The following LRP1B variants were observed in gnomAD, a reference collection of about 807,000 sequenced individuals.
LRP1B encodes LDL receptor related protein 1B.
Under a neutral mutation model 556.6 loss-of-function variants are expected in LRP1B, and 217 were observed. The observed-to-expected ratio is 0.39, with a 90% confidence interval of 0.35 to 0.44. The LOEUF (loss-of-function observed/expected upper bound fraction) is 0.44. Among genes scored for constraint, LRP1B ranks in the 20% least tolerant of loss-of-function variants. The pLI is 1.00. For missense variants in LRP1B, 5,053 were observed against 5,620.8 expected (o/e 0.90, Z 3.23); for synonymous variants, 2,047 against 1,865.8 (o/e 1.10, Z -2.50).
At chr2:140,485,176 C>A (rs1012141463) in intron 59 of LRP1B, among the ~76,000 whole-genome samples, 167 bp downstream of exon 59, 1 of 151,890 alleles carries the variant, frequency 6.6e-6, no homozygotes, top group South Asian at 2.1e-4. Flanking sequence ...AATTTTATTC[C>A]TTTCATTGTG....
chr2:141,617,201 C>A (rs1454587271), intron 2 of LRP1B, among the ~76,000 whole-genome samples: 2 of 152,114 alleles, frequency 1.3e-5, no homozygotes, highest in Non-Finnish European at 2.9e-5. Flanking sequence ...TTTTTACACA[C>A]CTATCTCCAG....
intron 77 of LRP1B, among the ~76,000 whole-genome samples, chr2:140,340,041 G>C (rs558310250): frequency 3.3e-5 from 5 of 151,052 alleles, no homozygotes; most frequent in Non-Finnish European, 5.9e-5. Context: ...ATTTGTCTTT[G>C]AATTAAAGAC....
intron 7 of LRP1B, among the ~76,000 whole-genome samples, chr2:141,070,246 G>C (rs191827814): frequency 0.033 from 4,924 of 151,384 alleles, 91 homozygotes; most frequent in South Asian, 0.073. Context: ...ACCTGCTCCT[G>C]AATGACTACT....
intron 27 of LRP1B, among the ~76,000 whole-genome samples, chr2:140,853,210 C>G (rs190001134): frequency 6.6e-6 from 1 of 152,030 alleles, no homozygotes; most frequent in Non-Finnish European, 1.5e-5. Flanking sequence ...TAGAGGTGCC[C>G]TTCCTAAGCC....
intron 1 of LRP1B, among the ~76,000 whole-genome samples, chr2:141,956,587 A>T (rs1701260443): frequency 6.8e-6 from 1 of 146,870 alleles, no homozygotes; most frequent in African/African-American, 2.5e-5. Flanking sequence ...TAAAATATTA[A>T]CGCCGTGAAA....
In LRP1B at chr2:141,095,817, C is replaced by T. The variant is rs369299020; in HGVS notation, c.1014-33544G>A. The stretch of plus-strand genomic sequence containing the variant: ...GTGTTGCTGGCTAGGCAGGTGTCTG[C>T]GTATTGGTTCCCTCCTCCATCTGAT... On this transcript the variant is annotated intron_variant, in intron 7 of 90. Transcript: ENST00000389484. Among the ~76,000 whole-genome samples, 39 of 152,100 alleles carry T rather than the reference C, an allele frequency of 2.6e-4. 1 individual carries two copies. The South Asian group carries it at 7.9e-3, about 31-fold the overall frequency.
At chr2:140,507,041 C>A in intron 52 of LRP1B, 123 bp from the exon 53 acceptor site, 1 of 963,506 alleles carries the variant, frequency 1.0e-6, no homozygotes, top group Non-Finnish European at 1.5e-6. Flanking sequence ...AAAAAGAAAA[C>A]TTTGCATAAT....
At chr2:141,203,602 C>T (rs1233054363) in intron 6 of LRP1B, among the ~76,000 whole-genome samples, 1 of 152,102 alleles carries the variant, frequency 6.6e-6, no homozygotes, top group Non-Finnish European at 1.5e-5. Context: ...GACTTTAACA[C>T]CCCACTGTCA....
At chr2:140,375,173 ATGTGTGTG>A (rs34597866) in intron 68 of LRP1B, among the ~76,000 whole-genome samples, 16,150 of 144,154 alleles carry the variant, frequency 0.11, 897 homozygotes, top group African/African-American at 0.15. Flanking sequence ...TACTGTGTGT[ATGTGTGTG>A]TGTGTGTGTG....
At chr2:140,491,522 A>C (rs1688700270) in intron 57 of LRP1B, among the ~76,000 whole-genome samples, 1 of 152,112 alleles carries the variant, frequency 6.6e-6, no homozygotes, top group African/African-American at 2.4e-5. Context: ...AAGAAAGATA[A>C]TTTTTAATAT....
chr2:141,024,732 GATTTTATTAC>G (rs1698169677), intron 11 of LRP1B, among the ~76,000 whole-genome samples: 1 of 151,950 alleles, frequency 6.6e-6, no homozygotes, highest in South Asian at 2.1e-4. Context: ...AGATATAAAA[GATTTTATTAC>G]TCATGGCACA....
chr2:141,615,880 T>G (rs973595554), intron 2 of LRP1B, among the ~76,000 whole-genome samples: 2 of 152,082 alleles, frequency 1.3e-5, no homozygotes, highest in African/African-American at 4.8e-5. Context: ...CTATAAACAG[T>G]AATAGCAAAT....
At chr2:141,908,751 T>C (rs1001496279) in intron 1 of LRP1B, among the ~76,000 whole-genome samples, 1 of 152,090 alleles carries the variant, frequency 6.6e-6, no homozygotes, top group African/African-American at 2.4e-5. Flanking sequence ...CAATAGATGT[T>C]ATCAAATATC....
At chr2:140,471,792 A>C (rs927899040) in intron 60 of LRP1B, among the ~76,000 whole-genome samples, 2 of 152,184 alleles carry the variant, frequency 1.3e-5, no homozygotes. Context: ...ATTACTTAGC[A>C]TACAAGGCTT....
At chr2:141,863,002 T>C (rs1348263022) in intron 1 of LRP1B, among the ~76,000 whole-genome samples, 1 of 152,192 alleles carries the variant, frequency 6.6e-6, no homozygotes, top group Non-Finnish European at 1.5e-5. Flanking sequence ...AGCTCTCTCT[T>C]ATGCATTAAG....
At chr2:141,977,161 T>C (rs181376690) in intron 1 of LRP1B, among the ~76,000 whole-genome samples, 5 of 152,278 alleles carry the variant, frequency 3.3e-5, no homozygotes, top group Non-Finnish European at 7.4e-5. Flanking sequence ...TTTTGATCTT[T>C]TGGAGAGGAA....
chr2:140,714,864 A>G (rs1687154902), intron 37 of LRP1B, among the ~76,000 whole-genome samples: 1 of 152,110 alleles, frequency 6.6e-6, no homozygotes, highest in Admixed American at 6.6e-5. Flanking sequence ...ACAAACAAGA[A>G]CACGTACAGC....
chr2:140,949,938 C>CAAAAAAAAAAAAAAAAAAAAAAAAA (rs67201185), intron 20 of LRP1B, among the ~76,000 whole-genome samples: 1 of 14,280 alleles, frequency 7.0e-5, no homozygotes, highest in Non-Finnish European at 1.2e-4. Flanking sequence ...GACTCCGTCT[C>CAAAAAAAAAAAAAAAAAAAAAAAAA]AAAAAAAAAA....
chr2:141,320,615 T>G (rs114494646), intron 3 of LRP1B, among the ~76,000 whole-genome samples: 2,401 of 152,178 alleles, frequency 0.016, 60 homozygotes, highest in African/African-American at 0.055. Flanking sequence ...AGCCTGAAAC[T>G]GCCCAAGAAA....
Sources: allele counts gnomAD v4.1 joint callset (sites outside exome capture counted in the v4.1 genomes callset), GRCh38; gene constraint gnomAD v4.1.1; transcripts MANE v1.5; gene names NCBI Gene and HGNC (gene_info 2026-07-23, HGNC 2026-07-21).